The following RPS6 variants were observed in gnomAD, a reference collection of about 807,000 sequenced individuals.
RPS6 encodes small ribosomal subunit protein eS6.
A neutral mutation model predicts 27.1 loss-of-function variants in RPS6; 1 was observed. The observed-to-expected ratio is 0.04, with a 90% CI of 0.01 to 0.18. RPS6 has a LOEUF of 0.18. Ranked by LOEUF, RPS6 falls within the 10% of genes least tolerant of loss-of-function variation. The pLI is 1.00. For missense variants in RPS6, 259 were observed against 319.1 expected, an observed-to-expected ratio of 0.81 and a Z score of 1.44; for synonymous variants, 152 against 106.0, an observed-to-expected ratio of 1.43 and a Z score of -2.66.
intron 2 of RPS6, 172 bp downstream of exon 2, chr9:19,379,315 C>G: frequency 6.7e-7 from 1 of 1,498,270 alleles, no homozygotes; most frequent in Non-Finnish European, 8.9e-7. Flanking sequence ...ATGGCTTACT[C>G]TACGTCCCCC....
At chr9:19,379,897 G>T in intron 1 of RPS6, 1 of 1,423,378 alleles carries the variant, frequency 7.0e-7, no homozygotes, top group Non-Finnish European at 9.1e-7. Context: ...AGAAAGCCGG[G>T]GTCAAGAGCC....
At chr9:19,377,392 C>CTTT (rs77882767) in intron 4 of RPS6, among the ~76,000 whole-genome samples, 5,276 of 132,352 alleles carry the variant, frequency 0.04, 360 homozygotes, top group African/African-American at 0.14. Context: ...TTGTCAATTG[C>CTTT]TTTTTTTTTT....
chr9:19,376,560 C>G lies in RPS6; in HGVS notation c.588G>C (p.Lys196Asn), dbSNP rs1450741483. The G allele has an allele frequency of 6.2e-7, 1 of 1,614,140 alleles. No homozygotes were observed. The highest frequency in any genetic ancestry group is 8.5e-7 in the Non-Finnish European group (1 of 1,180,038). ...CTTCTTTATTTTTCTTGGTACGCTG[C>G]TTCTTCAGAGCAATACGCCGCCGTT... is the stretch of plus-strand genomic sequence containing the variant. Reference protein sequence around the residue: ...QHKRRRIALKKQRTKKNKEEA... With the variant: ...QHKRRRIALKNQRTKKNKEEA... The change falls in exon 5 of 6, where the codon AAG becomes AAC. Residue 196 changes from lysine to asparagine, a missense_variant. Around this residue, in one of 3 missense-constraint regions of RPS6, gnomAD observed 191 missense variants for 231.6 expected, o/e 0.82. Transcript: ENST00000380394.
intron 5 of RPS6, 25 bp from the exon 6 acceptor site, chr9:19,376,413 G>C (rs1316102011): frequency 1.2e-6 from 2 of 1,613,186 alleles, no homozygotes; most frequent in East Asian, 2.2e-5. Context: ...ACAGCAAACA[G>C]TTAAGGCCTT....
In RPS6 at chr9:19,376,922, G is replaced by A. The variant is rs376997562; in HGVS notation, c.497-271C>T. On this transcript the variant is annotated intron_variant, in intron 4 of 5. Coordinates refer to ENST00000380394, the MANE Select transcript of RPS6 (RefSeq NM_001010.3). ...TACCTTCCAGTTTTACTAAAATACA[G>A]TGGCATTATGTTAATATATAACTGT... 1.1e-3 allele frequency: 356 copies of A among 312,192 alleles called. 11 individuals carry two copies. The South Asian group carries it at 0.019, about 17-fold the overall frequency. The allele number at this position is 312,192 out of a possible 1,614,324, so 19.3% of individuals were successfully genotyped here.
chr9:19,376,357 G>A lies in RPS6; in HGVS notation c.686C>T (p.Ala229Val), dbSNP rs560053449. 5 of 1,614,062 alleles carry A rather than the reference G, an allele frequency of 3.1e-6. No individual in the cohort carries two copies. Among genetic ancestry groups the A allele is most frequent in the African/African-American group, 1.3e-5 (1 of 75,004 alleles). The part of the protein sequence containing the change: ...EAKEKRQEQI[A>V]KRRRLSSLRA... ...CAGAGAGGAAAGTCTGCGTCTCTTC[G>A]CAATTTGTTCCTGGCGCTTCTCCTT... Residue 229 changes from alanine to valine, a missense_variant, in exon 6 of 6, where the codon GCG becomes GTG. By Grantham distance (64) the Ala-to-Val change is moderately conservative. Coordinates refer to ENST00000380394, the MANE Select transcript of RPS6 (RefSeq NM_001010.3).
At chr9:19,378,343 G>T in intron 4 of RPS6, 25 bp downstream of exon 4, 1 of 1,606,930 alleles carries the variant, frequency 6.2e-7, no homozygotes, top group Middle Eastern at 2.3e-4. Context: ...AATTAAGCAA[G>T]CCCTAATTGC....
chr9:19,376,466 C>T, intron 5 of RPS6, 28 bp downstream of exon 5: 1 of 1,613,002 alleles, frequency 6.2e-7, no homozygotes. Context: ...CGAACTCCTC[C>T]CACCCCCTCA....
rs1563857249 is a variant in RPS6, at chr9:19,376,257, AGAGTCT to A, written c.*30_*35del. 6.5e-7 allele frequency: 1 copy of A among 1,529,520 alleles called. No individual in the cohort carries two copies. Among genetic ancestry groups the A allele is most frequent in the Admixed American group, 1.8e-5 (1 of 54,600 alleles). 94.7% of individuals were successfully genotyped at this position (1,529,520 alleles called of 1,614,324 possible). A position where few individuals can be genotyped will look rare whatever the true frequency, so the allele number is the denominator to read the frequency against. Reference sequence around the variant, plus strand: ...CAGCAATGAAAAGTCAACAGAGATCAGAGTCTGATCTTATTTATTTGTTACTCAAAA... The same window carrying A: ...CAGCAATGAAAAGTCAACAGAGATCAGATCTTATTTATTTGTTACTCAAAA... On this transcript the variant is annotated 3_prime_UTR_variant, in exon 6 of 6. Transcript: ENST00000380394.
In RPS6 at chr9:19,378,880, T is replaced by C. The variant is rs753708167; in HGVS notation, c.177A>G (p.Gln59=). The C allele has an allele frequency of 6.2e-7, 1 of 1,614,200 alleles. No homozygotes were observed. The highest frequency in any genetic ancestry group is 1.1e-5 in the South Asian group (1 of 91,086). The change falls in exon 3 of 6, where the codon CAA becomes CAG. Residue 59 remains glutamine, a synonymous_variant. Transcript: ENST00000380394. The part of the protein sequence containing the change: ...VVRISGGNDK[Q]GFPMKQGVLT... ...AGACACCCTGCTTCATGGGGAAACC[T>C]TGTTTGTCGTTCCCACCACTGATTC...
intron 1 of RPS6, chr9:19,379,931 G>T: frequency 2.1e-6 from 3 of 1,433,048 alleles, no homozygotes; most frequent in South Asian, 1.5e-5. Context: ...GCCGCAAACT[G>T]GGCAACACGC....
At chr9:19,378,558 T>C in intron 3 of RPS6, 44 bp from the exon 4 acceptor site, 1 of 1,602,576 alleles carries the variant, frequency 6.2e-7, no homozygotes, top group Non-Finnish European at 8.5e-7. Context: ...ACAACTTCCT[T>C]AAGAATCCTA....
chr9:19,377,703 G>A (rs920235535), intron 4 of RPS6, among the ~76,000 whole-genome samples: 2 of 152,098 alleles, frequency 1.3e-5, no homozygotes, highest in African/African-American at 4.8e-5. Context: ...TCTACTATAT[G>A]GACAAAAGTT....
At chr9:19,379,984 C>A in intron 1 of RPS6, 1 of 1,454,394 alleles carries the variant, frequency 6.9e-7, no homozygotes, top group South Asian at 1.4e-5. Flanking sequence ...CCATGGCGCT[C>A]CCGGCCCGCC....
chr9:19,377,517 A>T (rs930145519), intron 4 of RPS6, among the ~76,000 whole-genome samples: 1 of 151,912 alleles, frequency 6.6e-6, no homozygotes, highest in South Asian at 2.1e-4. Context: ...GACGTATACT[A>T]TCTATGCCAT....
At chr9:19,379,144 A>C in intron 2 of RPS6, 1 of 779,278 alleles carries the variant, frequency 1.3e-6, no homozygotes, top group South Asian at 1.9e-5. Context: ...ATGTTTTATT[A>C]GAGATAACAG....
rs1829645364 is a variant in RPS6, at chr9:19,379,595, A to G, written c.30T>C (p.Thr10=). Residue 10 remains threonine (T), a synonymous_variant, in exon 2 of 6, where the codon ACT becomes ACC. Transcript: ENST00000380394. MKLNISFPA[T]GCQKLIEVDD... ...CCACTTCAATGAGTTTCTGGCAGCC[A>G]GTGGCTGGGAAGGAGATGTTCAGCT... 1 of 1,613,888 alleles carries G rather than the reference A, an allele frequency of 6.2e-7. No homozygotes were observed. Among genetic ancestry groups the G allele is most frequent in the Admixed American group, 1.7e-5 (1 of 59,986 alleles).
rs370530821 is a variant in RPS6, at chr9:19,379,542, T to C, written c.83A>G (p.Tyr28Cys). 1.5e-5 allele frequency: 25 copies of C among 1,614,078 alleles called. No homozygotes were observed. Among genetic ancestry groups the C allele is most frequent in the African/African-American group, 9.3e-5 (7 of 74,918 alleles). Residue 28 changes from tyrosine to cysteine, a missense_variant, in exon 2 of 6, where the codon TAT becomes TGT. Physicochemically the swap from Tyr to Cys is radical, Grantham distance 194 (BLOSUM62 -2). Coordinates refer to ENST00000380394, the MANE Select transcript of RPS6 (RefSeq NM_001010.3). ...AACTTCTGTGGCCATACGCTTCTCA[T>C]AGAAAGTACGAAGTTTGCGTTCATC... ...VDDERKLRTF[Y>C]EKRMATEVAA...
intron 2 of RPS6, 198 bp downstream of exon 2, chr9:19,379,289 A>G (rs966944305): frequency 1.4e-6 from 2 of 1,470,242 alleles, no homozygotes; most frequent in Middle Eastern, 1.8e-4. Flanking sequence ...GTTGATGTAA[A>G]CTTTACGTAT....
Sources: allele counts gnomAD v4.1 joint callset (sites outside exome capture counted in the v4.1 genomes callset), GRCh38; gene constraint gnomAD v4.1.1; regional missense constraint gnomAD v4.1.1; transcripts MANE v1.5; gene names NCBI Gene and HGNC (gene_info 2026-07-23, HGNC 2026-07-21).